PTPRN2: variants seen among roughly 807,000 people sequenced by gnomAD.
PTPRN2 encodes receptor-type tyrosine-protein phosphatase N2.
Under a neutral mutation model 118.8 loss-of-function variants are expected in PTPRN2, and 74 were observed. The observed-to-expected ratio is 0.62, with a 90% confidence interval of 0.52 to 0.76. PTPRN2 has a LOEUF of 0.76. PTPRN2 is among the 30% of genes least tolerant of loss of function. PTPRN2 has a pLI of 0.00. For synonymous variants in PTPRN2, 641 were observed against 608.0 expected (o/e 1.05, Z -0.80); for missense variants, 1,481 against 1,394.4 (o/e 1.06, Z -0.99).
chr7:158,146,113 G>A (rs1819956599), intron 6 of PTPRN2, among the ~76,000 whole-genome samples: 1 of 152,076 alleles, frequency 6.6e-6, no homozygotes, highest in Non-Finnish European at 1.5e-5. Flanking sequence ...TCCATGAGAA[G>A]CTCTCGCCAC....
chr7:157,840,812 C>A (rs565555183), intron 12 of PTPRN2, among the ~76,000 whole-genome samples: 1 of 152,248 alleles, frequency 6.6e-6, no homozygotes, highest in East Asian at 1.9e-4. Context: ...GGCCACAGGA[C>A]CCCTGAAGAG....
At chr7:158,389,107 C>T (rs1430578867) in intron 2 of PTPRN2, among the ~76,000 whole-genome samples, 1 of 152,204 alleles carries the variant, frequency 6.6e-6, no homozygotes, top group Non-Finnish European at 1.5e-5. Flanking sequence ...TCAAAGTCTG[C>T]GAAGAGAAGC....
At position 157,688,634 on chromosome 7, in the gene PTPRN2, C is replaced by A. The variant is rs1430204577; in HGVS notation, c.1789-5697G>T. ...AGGTGCTTCTCGGGACGGGGCCTGGCCTCCCCACCCCGCAAGAACCAGACC... is the reference window on the plus strand; with the variant it reads ...AGGTGCTTCTCGGGACGGGGCCTGGACTCCCCACCCCGCAAGAACCAGACC... On this transcript the variant is annotated intron_variant, in intron 12 of 22. Coordinates refer to ENST00000389418, the MANE Select transcript of PTPRN2 (RefSeq NM_002847.5). Among the ~76,000 whole-genome samples the A allele has an allele frequency of 4.6e-5, 7 of 152,334 alleles. No individual in the cohort carries two copies. The East Asian group carries it at 1.4e-3, about 29-fold the overall frequency.
intron 12 of PTPRN2, among the ~76,000 whole-genome samples, chr7:157,804,666 C>T (rs1805518221): frequency 6.6e-6 from 1 of 152,190 alleles, no homozygotes; most frequent in Non-Finnish European, 1.5e-5. Context: ...CACACATGCA[C>T]ACAGTCTCCC....
intron 12 of PTPRN2, among the ~76,000 whole-genome samples, chr7:157,798,492 C>CACACACACAGACACACACGG (rs918622596): frequency 6.6e-6 from 1 of 151,868 alleles, no homozygotes; most frequent in African/African-American, 2.4e-5. Context: ...GTGGCCCCTC[C>CACACACACAGACACACACGG]ACACACACAG....
At chr7:158,178,574 T>C (rs1464694595) in intron 5 of PTPRN2, among the ~76,000 whole-genome samples, 1 of 148,954 alleles carries the variant, frequency 6.7e-6, no homozygotes, top group East Asian at 2.0e-4. Context: ...TGTATATATA[T>C]ACTACATTTT....
chr7:158,348,723 A>T (rs2151259279), intron 2 of PTPRN2, among the ~76,000 whole-genome samples: 1 of 152,294 alleles, frequency 6.6e-6, no homozygotes, highest in East Asian at 1.9e-4. Flanking sequence ...TCTCAAAGAG[A>T]CCGTCACTGT....
intron 11 of PTPRN2, among the ~76,000 whole-genome samples, chr7:158,049,747 C>CA (rs1331469539): frequency 6.6e-6 from 1 of 152,020 alleles, no homozygotes; most frequent in African/African-American, 2.4e-5. Flanking sequence ...CTAAAAATTA[C>CA]AAAAAATGAG....
intron 2 of PTPRN2, among the ~76,000 whole-genome samples, chr7:158,367,948 C>G (rs1272553091): frequency 6.6e-6 from 1 of 152,190 alleles, no homozygotes. Flanking sequence ...GGGCCATGTT[C>G]CTGTTTCAAG....
At chr7:157,595,123 T>G in intron 17 of PTPRN2, 115 bp downstream of exon 17, 3 of 927,376 alleles carry the variant, frequency 3.2e-6, no homozygotes, top group Non-Finnish European at 5.1e-6. Context: ...TAAGTAACAT[T>G]TGATGAGCAT....
At chr7:158,005,120 G>A (rs111553682) in intron 11 of PTPRN2, among the ~76,000 whole-genome samples, 5 of 151,634 alleles carry the variant, frequency 3.3e-5, no homozygotes, top group African/African-American at 1.2e-4. Context: ...TGTTGCCCAG[G>A]CTGGAGTGCA....
chr7:157,857,667 G>A (rs536486360), intron 12 of PTPRN2: 5 of 152,316 alleles, frequency 3.3e-5, no homozygotes, highest in African/African-American at 1.2e-4. Context: ...TCCGTGCCCT[G>A]AGTAGAAAAG....
At chr7:158,206,060 G>C (rs568814288) in intron 3 of PTPRN2, among the ~76,000 whole-genome samples, 1 of 152,264 alleles carries the variant, frequency 6.6e-6, no homozygotes, top group East Asian at 1.9e-4. Context: ...GTAGCCACTG[G>C]ACTTGGGGTG....
At chr7:158,125,980 AGGATT>A (rs1438215204) in intron 9 of PTPRN2, among the ~76,000 whole-genome samples, 3 of 152,220 alleles carry the variant, frequency 2.0e-5, no homozygotes, top group East Asian at 3.9e-4. Context: ...GGCAGCCACT[AGGATT>A]GGAACTTCCT....
chr7:158,404,056 G>T (rs558553973), intron 2 of PTPRN2, among the ~76,000 whole-genome samples: 1 of 152,344 alleles, frequency 6.6e-6, no homozygotes, highest in South Asian at 2.1e-4. Context: ...ATCCCAGCAT[G>T]CGCAGTCTTT....
intron 11 of PTPRN2, among the ~76,000 whole-genome samples, chr7:157,972,988 G>A (rs970195746): frequency 7.2e-5 from 11 of 152,134 alleles, no homozygotes; most frequent in East Asian, 1.9e-4. Context: ...TTCACACCAC[G>A]AGAACAGGAC....
chr7:158,522,231 CAGGA>C lies in PTPRN2; in HGVS notation c.113-32450_113-32447del, dbSNP rs1824210664. 2.8e-5 allele frequency among the ~76,000 whole-genome samples: 2 copies of C among 70,662 alleles called. 1 individual carries two copies. Among genetic ancestry groups the C allele is most frequent in the Admixed American group, 2.9e-4 (2 of 7,004 alleles). 46.4% of individuals were successfully genotyped at this position (70,662 alleles called of 152,430 possible). ...ATGGTGGACTGTCCAGGTAGTGGCT[CAGGA>C]GGGAGGTCCACGTCACAATGGTGGA... On this transcript the variant is annotated intron_variant, in intron 1 of 22. Transcript: ENST00000389418.
chr7:157,913,225 C>T (rs1798196936), intron 11 of PTPRN2, among the ~76,000 whole-genome samples: 1 of 151,936 alleles, frequency 6.6e-6, no homozygotes, highest in African/African-American at 2.4e-5. Context: ...ACTTTTTTTC[C>T]TAAATATACA....
At chr7:158,331,929 T>C (rs4909179) in intron 2 of PTPRN2, among the ~76,000 whole-genome samples, 140,528 of 146,226 alleles carry the variant, frequency 0.96, 67,588 homozygotes, top group African/African-American at 0.99. Flanking sequence ...CGCCCGCAGA[T>C]GTCACTCACA....
Sources: gnomAD v4.1 joint callset for allele counts (sites outside exome capture counted in the v4.1 genomes callset) on GRCh38, gnomAD v4.1.1 for gene constraint, MANE v1.5 for transcripts, NCBI Gene and HGNC (gene_info 2026-07-23, HGNC 2026-07-21) for gene names.